FBXL17: variants seen among roughly 807,000 people sequenced by gnomAD.
FBXL17 encodes the protein F-box and leucine rich repeat protein 17, also known as F-box/LRR-repeat protein 17.
A neutral mutation model predicts 66.2 loss-of-function variants in FBXL17; 22 were observed. The observed-to-expected ratio is 0.33, with a 90% CI of 0.24 to 0.47. The LOEUF (loss-of-function observed/expected upper bound fraction) is 0.47, where lower values mean the gene tolerates loss of function less well. FBXL17 is among the 20% of genes least tolerant of loss of function. The pLI, the probability that FBXL17 is intolerant of heterozygous loss-of-function variation, is 1.00. For synonymous variants in FBXL17, 474 were observed against 400.5 expected (o/e 1.18, Z -2.19); for missense variants, 878 against 948.2 (o/e 0.93, Z 0.97).
chr5:108,102,041 G>C (rs1347151322), intron 6 of FBXL17, among the ~76,000 whole-genome samples: 1 of 152,150 alleles, frequency 6.6e-6, no homozygotes, highest in East Asian at 1.9e-4. Flanking sequence ...TTAAGTGGCT[G>C]GGGCCCAAGT....
intron 7 of FBXL17, among the ~76,000 whole-genome samples, chr5:108,009,170 T>C (rs970609096): frequency 2.3e-5 from 3 of 131,836 alleles, no homozygotes; most frequent in Non-Finnish European, 4.8e-5. Context: ...ATTATATCAG[T>C]ATGAACATAG....
chr5:108,108,410 T>C (rs1749893321), intron 6 of FBXL17, among the ~76,000 whole-genome samples: 1 of 152,212 alleles, frequency 6.6e-6, no homozygotes, highest in Non-Finnish European at 1.5e-5. Flanking sequence ...TGAAAGTGTT[T>C]AGAAAACTAT....
chr5:107,883,756 T>C (rs1748871300), intron 7 of FBXL17, among the ~76,000 whole-genome samples: 1 of 152,158 alleles, frequency 6.6e-6, no homozygotes, highest in African/African-American at 2.4e-5. Context: ...CTTAAACATA[T>C]CCATTGAATA....
chr5:108,216,922 A>T (rs750997483), intron 5 of FBXL17, among the ~76,000 whole-genome samples: 1 of 152,188 alleles, frequency 6.6e-6, no homozygotes, highest in Non-Finnish European at 1.5e-5. Flanking sequence ...CAGGCACAGA[A>T]ATGCCTTTGT....
chr5:108,272,960 G>A lies in FBXL17; in HGVS notation c.1507-48732C>T, dbSNP rs1361803413. Among the ~76,000 whole-genome samples the A allele has an allele frequency of 2.6e-5, 4 of 152,168 alleles. No homozygotes were observed. The South Asian group carries it at 6.2e-4, about 24-fold the overall frequency. On this transcript the variant is annotated intron_variant, in intron 4 of 8. Coordinates refer to ENST00000542267, the MANE Select transcript of FBXL17 (RefSeq NM_001163315.3). ...ATTTTCCCTAAGTGTCGGCCAGCTT[G>A]AGAAATAAAGGGACAGAGTACAAAA...
At chr5:108,036,209 T>C (rs991164965) in intron 6 of FBXL17, among the ~76,000 whole-genome samples, 22 of 152,198 alleles carry the variant, frequency 1.4e-4, no homozygotes, top group African/African-American at 5.1e-4. Flanking sequence ...ACTCTGGATA[T>C]TGACTTCTGG....
At chr5:108,078,798 C>A (rs141082189) in intron 6 of FBXL17, among the ~76,000 whole-genome samples, 1 of 152,160 alleles carries the variant, frequency 6.6e-6, no homozygotes, top group Non-Finnish European at 1.5e-5. Context: ...TCTGTAACCT[C>A]AAGATATTAA....
intron 6 of FBXL17, among the ~76,000 whole-genome samples, chr5:108,049,015 A>G (rs1747368141): frequency 6.6e-6 from 1 of 152,200 alleles, no homozygotes; most frequent in Admixed American, 6.5e-5. Flanking sequence ...TCCAAGGTTG[A>G]AATAAAGGAA....
At chr5:107,879,544 G>A in intron 8 of FBXL17, 5 of 985,378 alleles carry the variant, frequency 5.1e-6, no homozygotes, top group Non-Finnish European at 6.0e-6. Context: ...AACATAACTA[G>A]CTGGCAAAGG....
intron 7 of FBXL17, among the ~76,000 whole-genome samples, chr5:108,016,255 C>T (rs989613587): frequency 8.5e-5 from 13 of 152,074 alleles, no homozygotes; most frequent in African/African-American, 3.1e-4. Context: ...ATCAAGAATA[C>T]AGGGCAGCCA....
chr5:108,373,132 T>C (rs1749150828), intron 1 of FBXL17, among the ~76,000 whole-genome samples: 1 of 148,612 alleles, frequency 6.7e-6, no homozygotes, highest in African/African-American at 2.5e-5. Context: ...AATACACACA[T>C]AATTATTTAC....
chr5:108,081,655 G>A (rs996524283), intron 6 of FBXL17, among the ~76,000 whole-genome samples: 3 of 152,042 alleles, frequency 2.0e-5, no homozygotes, highest in Non-Finnish European at 4.4e-5. Flanking sequence ...CCCGGGAGGC[G>A]GAGCTTGCAG....
chr5:108,235,340 T>A (rs1445718177), intron 4 of FBXL17, among the ~76,000 whole-genome samples: 1 of 152,214 alleles, frequency 6.6e-6, no homozygotes, highest in East Asian at 1.9e-4. Context: ...GAAAGTCTCA[T>A]GACTAAATCT....
intron 6 of FBXL17, among the ~76,000 whole-genome samples, chr5:108,111,167 T>C (rs1463550567): frequency 6.7e-6 from 1 of 148,936 alleles, no homozygotes; most frequent in Non-Finnish European, 1.5e-5. Flanking sequence ...TACATATAAA[T>C]AACTATCTGC....
At chr5:108,346,093 T>G (rs60618863) in intron 4 of FBXL17, among the ~76,000 whole-genome samples, 3,467 of 152,226 alleles carry the variant, frequency 0.023, 136 homozygotes, top group African/African-American at 0.079. Flanking sequence ...AGTAAAAACA[T>G]CCTAATTACT....
Position 108,041,583 on chromosome 5 carries a change from A to AT in FBXL17, c.1746-20583dup, listed in dbSNP as rs1747048464. Among the ~76,000 whole-genome samples, 4 of 151,922 alleles carry AT rather than the reference A, an allele frequency of 2.6e-5. No individual in the cohort carries two copies. The South Asian group carries it at 8.3e-4, about 32-fold the overall frequency. On this transcript the variant is annotated intron_variant, in intron 6 of 8. Coordinates refer to ENST00000542267, the MANE Select transcript of FBXL17 (RefSeq NM_001163315.3). ...AGGCACATGCCACCACATCTGGCTA[A>AT]TTTTTTTAATTTTTAGTGGAGACGA...
chr5:108,343,876 C>T (rs957427139), intron 4 of FBXL17, among the ~76,000 whole-genome samples: 3 of 152,100 alleles, frequency 2.0e-5, no homozygotes, highest in African/African-American at 7.2e-5. Context: ...AAATAATAGG[C>T]TTCACTATCC....
intron 6 of FBXL17, among the ~76,000 whole-genome samples, chr5:108,129,052 G>A (rs369326832): frequency 6.6e-6 from 1 of 151,982 alleles, no homozygotes; most frequent in Non-Finnish European, 1.5e-5. Context: ...TCAGAGAATT[G>A]TATCAAATAG....
intron 3 of FBXL17, among the ~76,000 whole-genome samples, chr5:108,360,330 G>A (rs1748263950): frequency 6.6e-6 from 1 of 152,046 alleles, no homozygotes; most frequent in Admixed American, 6.6e-5. Flanking sequence ...GTCCCCTTGA[G>A]TGCCCCTATT....
Sources: gnomAD v4.1 joint callset for allele counts (sites outside exome capture counted in the v4.1 genomes callset) on GRCh38, gnomAD v4.1.1 for gene constraint, MANE v1.5 for transcripts, NCBI Gene and HGNC (gene_info 2026-07-23, HGNC 2026-07-21) for gene names.